The following ABI1 variants were observed in gnomAD, a reference collection of about 807,000 sequenced individuals.
ABI1 encodes abl interactor 1, also known as Abelson interactor 1.
ABI1 carries 14 observed loss-of-function variants against 54.6 expected under a neutral mutation model. The observed-to-expected ratio is 0.26, with a 90% confidence interval of 0.17 to 0.40. ABI1 has a LOEUF of 0.40. ABI1 is among the 10% of genes least tolerant of loss of function. The pLI is 1.00. For synonymous variants in ABI1, 194 were observed against 209.3 expected (o/e 0.93, Z 0.63); for missense variants, 443 against 598.3 (o/e 0.74, Z 2.71).
chr10:26,773,764 T>C (rs1841039466), intron 3 of ABI1, among the ~76,000 whole-genome samples: 1 of 152,160 alleles, frequency 6.6e-6, no homozygotes, highest in Non-Finnish European at 1.5e-5. Context: ...ACTTTACTAA[T>C]CAGAAACCAC....
At chr10:26,857,144 A>C (rs1389798791) in intron 1 of ABI1, among the ~76,000 whole-genome samples, 2 of 151,712 alleles carry the variant, frequency 1.3e-5, no homozygotes, top group African/African-American at 2.4e-5. Context: ...ACATGATGAA[A>C]CCCTGCCTCT....
intron 1 of ABI1, among the ~76,000 whole-genome samples, chr10:26,830,613 CCT>C (rs2048602328): frequency 6.8e-6 from 1 of 146,988 alleles, no homozygotes; most frequent in Admixed American, 6.8e-5. Context: ...AGAACAAGAC[CCT>C]GTCTCCTTTA....
At chr10:26,782,607 C>T (rs888881374) in intron 2 of ABI1, among the ~76,000 whole-genome samples, 2 of 151,936 alleles carry the variant, frequency 1.3e-5, no homozygotes, top group Non-Finnish European at 2.9e-5. Context: ...CCTGTAGTCC[C>T]AGCTACTCGG....
At chr10:26,811,826 T>C (rs1161922994) in intron 2 of ABI1, among the ~76,000 whole-genome samples, 1 of 152,004 alleles carries the variant, frequency 6.6e-6, no homozygotes, top group Non-Finnish European at 1.5e-5. Flanking sequence ...TGTATAAATT[T>C]GTATAAATTT....
At chr10:26,853,312 T>A (rs58181352) in intron 1 of ABI1, among the ~76,000 whole-genome samples, 22,170 of 142,958 alleles carry the variant, frequency 0.16, 1,871 homozygotes, top group East Asian at 0.33. Flanking sequence ...TTTTTTTTTT[T>A]AAAAAAAATC....
chr10:26,780,283 G>C (rs1001188365), intron 2 of ABI1, among the ~76,000 whole-genome samples: 1 of 152,206 alleles, frequency 6.6e-6, no homozygotes, highest in Non-Finnish European at 1.5e-5. Context: ...CTGGAGTGCA[G>C]TGGAACAATC....
intron 1 of ABI1, among the ~76,000 whole-genome samples, chr10:26,855,934 G>A (rs976279497): frequency 1.3e-4 from 18 of 135,630 alleles, no homozygotes; most frequent in Admixed American, 1.1e-3. Context: ...TCGTGCCACC[G>A]CACTCCAGCC....
At chr10:26,766,316 T>C (rs924668138) in intron 6 of ABI1, among the ~76,000 whole-genome samples, 1 of 152,190 alleles carries the variant, frequency 6.6e-6, no homozygotes, top group African/African-American at 2.4e-5. Context: ...TTGTTTCTAG[T>C]AAGGTATAAG....
intron 2 of ABI1, among the ~76,000 whole-genome samples, chr10:26,783,090 T>G (rs1436003920): frequency 6.6e-6 from 1 of 152,148 alleles, no homozygotes; most frequent in African/African-American, 2.4e-5. Context: ...GCACAAAATG[T>G]GATATATACA....
At chr10:26,766,767 T>A (rs915578216) in intron 6 of ABI1, among the ~76,000 whole-genome samples, 5 of 152,214 alleles carry the variant, frequency 3.3e-5, no homozygotes, top group African/African-American at 1.2e-4. Flanking sequence ...CATTGCCTGA[T>A]TTTTACTACC....
At chr10:26,819,226 A>G (rs2047803492) in intron 2 of ABI1, among the ~76,000 whole-genome samples, 1 of 152,202 alleles carries the variant, frequency 6.6e-6, no homozygotes, top group Non-Finnish European at 1.5e-5. Context: ...CCCAAAAAAA[A>G]TTCACTCCAT....
intron 9 of ABI1, among the ~76,000 whole-genome samples, chr10:26,753,833 A>G (rs1175468521): frequency 6.6e-6 from 1 of 152,224 alleles, no homozygotes; most frequent in Non-Finnish European, 1.5e-5. Flanking sequence ...ACCCAAGTTC[A>G]TATGTTTGGT....
intron 1 of ABI1, among the ~76,000 whole-genome samples, chr10:26,839,493 C>A (rs1012471771): frequency 6.6e-6 from 1 of 151,370 alleles, no homozygotes; most frequent in African/African-American, 2.4e-5. Flanking sequence ...AGGACCCTGT[C>A]TCAAAAACAA....
intron 2 of ABI1, among the ~76,000 whole-genome samples, chr10:26,790,080 C>T (rs999606718): frequency 2.0e-5 from 3 of 152,184 alleles, no homozygotes; most frequent in African/African-American, 7.2e-5. Context: ...GTGAATAGTG[C>T]TACAGTGAAC....
chr10:26,796,014 C>T (rs957387638), intron 2 of ABI1, among the ~76,000 whole-genome samples: 3 of 151,712 alleles, frequency 2.0e-5, no homozygotes, highest in South Asian at 2.1e-4. Context: ...TCAAAAGCTT[C>T]GTAGGTCTAA....
At chr10:26,781,766 A>C (rs1326529058) in intron 2 of ABI1, among the ~76,000 whole-genome samples, 2 of 152,184 alleles carry the variant, frequency 1.3e-5, no homozygotes, top group Non-Finnish European at 2.9e-5. Flanking sequence ...TGATCAAACC[A>C]TCTGGGTCAC....
rs71403891 is a variant in ABI1 at position 26,816,986 on chromosome 10, TTGTGTG to T, written c.285+6146_285+6151del. The stretch of plus-strand genomic sequence containing the variant: ...TTTCCTAAGTAATTTTGCAAAGACT[TTGTGTG>T]TGTGTGTGTGTGTGTGTGTGTGTGT... On this transcript the variant is annotated intron_variant, in intron 2 of 10. Transcript: ENST00000376140. Among the ~76,000 whole-genome samples, 229 of 143,858 alleles carry T rather than the reference TTGTGTG, an allele frequency of 1.6e-3. 1 individual carries two copies. Among genetic ancestry groups the T allele is most frequent in the South Asian group, 6.4e-3 (28 of 4,394 alleles). 94.4% of individuals were successfully genotyped at this position (143,858 alleles called of 152,430 possible).
intron 6 of ABI1, among the ~76,000 whole-genome samples, chr10:26,767,144 A>G (rs1564470683): frequency 6.6e-6 from 1 of 152,242 alleles, no homozygotes; most frequent in African/African-American, 2.4e-5. Context: ...CTTGTTGAAT[A>G]TGATTAAACT....
intron 2 of ABI1, among the ~76,000 whole-genome samples, chr10:26,817,431 T>C (rs1417316921): frequency 6.6e-6 from 1 of 152,172 alleles, no homozygotes; most frequent in Non-Finnish European, 1.5e-5. Context: ...AGTTCCAATC[T>C]ATATCAATTT....
Sources: allele counts gnomAD v4.1 joint callset (sites outside exome capture counted in the v4.1 genomes callset), GRCh38; gene constraint gnomAD v4.1.1; transcripts MANE v1.5; gene names NCBI Gene and HGNC (gene_info 2026-07-23, HGNC 2026-07-21).